ZNF197: variants seen among roughly 807,000 people sequenced by gnomAD.
ZNF197 encodes the protein VHL-associated KRAB-A domain-containing protein.
Under a neutral mutation model 27.4 loss-of-function variants are expected in ZNF197, and 14 were observed. The ratio of observed to expected loss-of-function variants is 0.51; its 90% CI spans 0.34 to 0.80. The LOEUF (loss-of-function observed/expected upper bound fraction) is 0.80. Ranked by LOEUF, ZNF197 falls within the 30% of genes least tolerant of loss-of-function variation. ZNF197 has a pLI of 0.02. For missense variants in ZNF197, 1,090 were observed against 1,222.6 expected (o/e 0.89, Z 1.62); for synonymous variants, 415 against 420.0 (o/e 0.99, Z 0.15).
chr3:44,646,719 T>G lies in ZNF197; in HGVS notation c.*2499T>G. The G allele has an allele frequency of 3.8e-6, 2 of 531,394 alleles. No homozygotes were observed. The highest frequency in any genetic ancestry group is 2.8e-5 in the South Asian group (1 of 35,814). The allele number at this position is 531,394 out of a possible 1,614,324, so 32.9% of individuals were successfully genotyped here. ...TATGAAAATTTCGATATGAAAGGTA[T>G]AAAACATGGATGAGGAGGCTTGTTT... On this transcript the variant is annotated 3_prime_UTR_variant, in exon 6 of 6. Coordinates refer to ENST00000344387, the MANE Select transcript of ZNF197 (RefSeq NM_006991.5).
At position 44,646,305 on chromosome 3, in the gene ZNF197, A is replaced by G; in HGVS notation, c.*2085A>G. Reference sequence around the variant, plus strand: ...AGGTTGTTGAATCATCCCAGCTTATATAATAATTACAAAGGACATATGTAC... The same window carrying G: ...AGGTTGTTGAATCATCCCAGCTTATGTAATAATTACAAAGGACATATGTAC... On this transcript the variant is annotated 3_prime_UTR_variant, in exon 6 of 6. Transcript: ENST00000344387. 1.0e-6 allele frequency: 1 copy of G among 985,456 alleles called. No individual in the cohort carries two copies. Among genetic ancestry groups the G allele is most frequent in the South Asian group, 4.7e-5 (1 of 21,290 alleles). 61.0% of individuals were successfully genotyped at this position (985,456 alleles called of 1,614,324 possible).
At chr3:44,631,950 C>T (rs556611619) in intron 3 of ZNF197, among the ~76,000 whole-genome samples, 155 bp from the exon 4 acceptor site, 20 of 152,276 alleles carry the variant, frequency 1.3e-4, no homozygotes, top group Non-Finnish European at 2.8e-4. Flanking sequence ...AGCCACCCAC[C>T]TCGGCTTCCC....
rs1310608315 is a variant in ZNF197, at chr3:44,643,477, A to G, written c.2347A>G (p.Ile783Val). 6.2e-7 allele frequency: 1 copy of G among 1,614,206 alleles called. No individual in the cohort carries two copies. The highest frequency in any genetic ancestry group is 8.5e-7 in the Non-Finnish European group (1 of 1,180,024). Residue 783 changes from isoleucine to valine, a missense_variant, in exon 6 of 6, where the codon ATC becomes GTC. Coordinates refer to ENST00000344387, the MANE Select transcript of ZNF197 (RefSeq NM_006991.5). Reference protein sequence around the residue: ...SNRNLIEHKRIHSGEKPYECD... With the variant: ...SNRNLIEHKRVHSGEKPYECD... ...CAGAAACCTCATTGAGCATAAGAGAATCCACAGTGGTGAGAAACCCTATGA... is the reference window on the plus strand; with the variant it reads ...CAGAAACCTCATTGAGCATAAGAGAGTCCACAGTGGTGAGAAACCCTATGA...
intron 5 of ZNF197, 66 bp from the exon 6 acceptor site, chr3:44,641,834 T>G: frequency 6.8e-7 from 1 of 1,470,824 alleles, no homozygotes; most frequent in Non-Finnish European, 9.0e-7. Context: ...TTAAAGTCAT[T>G]TGAAGATCCT....
chr3:44,639,533 A>T (rs1187890833), intron 5 of ZNF197, among the ~76,000 whole-genome samples: 37 of 146,650 alleles, frequency 2.5e-4, no homozygotes, highest in African/African-American at 9.1e-4. Context: ...CAGATTTTCC[A>T]TTTTTTTTCT....
rs1254213496 is a variant in ZNF197, at chr3:44,644,388, C to G, written c.*168C>G. Reference sequence around the variant, plus strand: ...GCTTGGTGGCTCATGCCTGTAATCCCAGCACTTTGAGAGGCCGAAGCGAGT... The same window carrying G: ...GCTTGGTGGCTCATGCCTGTAATCCGAGCACTTTGAGAGGCCGAAGCGAGT... On this transcript the variant is annotated 3_prime_UTR_variant, in exon 6 of 6. Coordinates refer to ENST00000344387, the MANE Select transcript of ZNF197 (RefSeq NM_006991.5). The G allele has an allele frequency of 1.5e-6, 2 of 1,373,058 alleles. No homozygotes were observed. Among genetic ancestry groups the G allele is most frequent in the Non-Finnish European group, 1.9e-6 (2 of 1,069,754 alleles). 85.1% of individuals were successfully genotyped at this position (1,373,058 alleles called of 1,614,324 possible). A position where few individuals can be genotyped will look rare whatever the true frequency, so the allele number is the denominator to read the frequency against.
Position 44,643,544 on chromosome 3 carries a change from TC to T in ZNF197, c.2415del (p.Ile806LeufsTer29). 6.2e-7 allele frequency: 1 copy of T among 1,614,194 alleles called. No homozygotes were observed. The highest frequency in any genetic ancestry group is 8.5e-7 in the Non-Finnish European group (1 of 1,180,042). On this transcript the variant is annotated frameshift_variant, in exon 6 of 6. Transcript: ENST00000344387. LOFTEE classifies it low-confidence loss of function (END_TRUNC). ...CGKCFILKKS[L>X]IGHQRIHTRE... Reference sequence around the variant, plus strand: ...AAATGCTTCATTCTGAAGAAAAGCCTCATTGGACATCAGAGAATTCACACGA... The same window carrying T: ...AAATGCTTCATTCTGAAGAAAAGCCTATTGGACATCAGAGAATTCACACGA...
chr3:44,646,778 A>G lies in ZNF197; in HGVS notation c.*2558A>G, dbSNP rs1702982691. 1 of 422,630 alleles carries G rather than the reference A, an allele frequency of 2.4e-6. No individual in the cohort carries two copies. The highest frequency in any genetic ancestry group is 2.0e-5 in the African/African-American group (1 of 49,208). The allele number at this position is 422,630 out of a possible 1,614,324, so 26.2% of individuals were successfully genotyped here. ...TAATACTAGAGAGCCGTTAGGTACTAAGAACCAGAAATAGACTCACATAAA... is the reference window on the plus strand; with the variant it reads ...TAATACTAGAGAGCCGTTAGGTACTGAGAACCAGAAATAGACTCACATAAA... On this transcript the variant is annotated 3_prime_UTR_variant, in exon 6 of 6. Coordinates refer to ENST00000344387, the MANE Select transcript of ZNF197 (RefSeq NM_006991.5).
intron 4 of ZNF197, 39 bp downstream of exon 4, chr3:44,632,235 G>C: frequency 6.2e-7 from 1 of 1,605,214 alleles, no homozygotes; most frequent in East Asian, 2.2e-5. Context: ...TCTGCACAGC[G>C]TAACTGTGGC....
chr3:44,648,316 C>G lies in ZNF197; in HGVS notation c.*4096C>G, dbSNP rs1349125868. 1 of 151,800 alleles carries G rather than the reference C, an allele frequency of 6.6e-6. No individual in the cohort carries two copies. The highest frequency in any genetic ancestry group is 1.5e-5 in the Non-Finnish European group (1 of 67,952). The allele number at this position is 151,800 out of a possible 1,614,324, so 9.4% of individuals were successfully genotyped here. The stretch of plus-strand genomic sequence containing the variant: ...GAAGTGTTCTGATGTTTACAACTTT[C>G]AAAAAAATGATTTTAAATATGTATT... On this transcript the variant is annotated 3_prime_UTR_variant, in exon 6 of 6. Coordinates refer to ENST00000344387, the MANE Select transcript of ZNF197 (RefSeq NM_006991.5).
chr3:44,631,365 C>T (rs1701982819), intron 3 of ZNF197, 144 bp downstream of exon 3: 2 of 1,035,686 alleles, frequency 1.9e-6, no homozygotes, highest in Admixed American at 5.3e-5. Context: ...CTGTTGTTCT[C>T]TCCTTCTTTC....
At chr3:44,628,773 C>T (rs934344823) in intron 1 of ZNF197, among the ~76,000 whole-genome samples, 24 of 152,146 alleles carry the variant, frequency 1.6e-4, no homozygotes, top group African/African-American at 5.6e-4. Context: ...CAGGAGTAGT[C>T]AGGATGCTCA....
Position 44,632,574 on chromosome 3 carries a change from G to T in ZNF197, c.744G>T (p.Glu248Asp). The change falls in exon 5 of 6, where the codon GAG (glutamate) becomes GAT (aspartate). Residue 248 changes from glutamate to aspartate, a missense_variant. By Grantham distance (45) the Glu-to-Asp change is conservative. Coordinates refer to ENST00000344387, the MANE Select transcript of ZNF197 (RefSeq NM_006991.5). ...CCTTGTACTGGGATGTGATGCTGGAGAATTATGGAAATGTGACCTCCCTAG... is the reference window on the plus strand; with the variant it reads ...CCTTGTACTGGGATGTGATGCTGGATAATTATGGAAATGTGACCTCCCTAG... ...QRALYWDVML[E>D]NYGNVTSLEW... 6.3e-7 allele frequency: 1 copy of T among 1,587,206 alleles called. No homozygotes were observed. Among genetic ancestry groups the T allele is most frequent in the Non-Finnish European group, 8.6e-7 (1 of 1,166,146 alleles).
chr3:44,644,284 ATTTC>A lies in ZNF197; in HGVS notation c.*67_*70del. ...AGTAACTGTTGGACAAATGATATAT[ATTTC>A]TTCTAAGGAAAAAGTTTATTATTTA... On this transcript the variant is annotated 3_prime_UTR_variant, in exon 6 of 6. Transcript: ENST00000344387. The A allele has an allele frequency of 6.6e-7, 1 of 1,514,992 alleles. No homozygotes were observed. The allele number at this position is 1,514,992 out of a possible 1,614,324, so 93.8% of individuals were successfully genotyped here.
chr3:44,642,730 G>A lies in ZNF197; in HGVS notation c.1600G>A (p.Gly534Arg). The A allele has an allele frequency of 6.2e-7, 1 of 1,613,796 alleles. No individual in the cohort carries two copies. The highest frequency in any genetic ancestry group is 8.5e-7 in the Non-Finnish European group (1 of 1,180,006). The change falls in exon 6 of 6, where the codon GGG (glycine) becomes AGG (arginine). Residue 534 changes from glycine (G) to arginine (R), a missense_variant. Coordinates refer to ENST00000344387, the MANE Select transcript of ZNF197 (RefSeq NM_006991.5). ...CATTCTGCACCAGAGAATCCACTCT[G>A]GGGAAAAACCCTATAAATGTGATGA... is the stretch of plus-strand genomic sequence containing the variant. Reference protein sequence around the residue: ...SLILHQRIHSGEKPYKCDECG... With the variant: ...SLILHQRIHSREKPYKCDECG...
At chr3:44,641,072 C>T (rs936331682) in intron 5 of ZNF197, among the ~76,000 whole-genome samples, 1 of 152,190 alleles carries the variant, frequency 6.6e-6, no homozygotes, top group African/African-American at 2.4e-5. Context: ...TAATTTCTCT[C>T]ACACTTGGGT....
intron 5 of ZNF197, among the ~76,000 whole-genome samples, chr3:44,632,875 T>C (rs1702090448): frequency 6.6e-6 from 1 of 152,206 alleles, no homozygotes; most frequent in Non-Finnish European, 1.5e-5. Context: ...CTTGTGTGTG[T>C]TCTCACATGT....
Position 44,642,134 on chromosome 3 carries a change from C to T in ZNF197, c.1004C>T (p.Thr335Ile). 1.2e-6 allele frequency: 2 copies of T among 1,614,040 alleles called. No individual in the cohort carries two copies. The highest frequency in any genetic ancestry group is 1.7e-5 in the Admixed American group (1 of 60,014). The change falls in exon 6 of 6, where the codon ACT becomes ATT. Residue 335 changes from threonine to isoleucine, a missense_variant. Transcript: ENST00000344387. ...TGTGAACGAGACAAGAAGAAAAGGA[C>T]TCCACCAGAGAAACAAGGCCAAAAG... ...SLCERDKKKR[T>I]PPEKQGQKWK...
At chr3:44,638,910 C>A (rs1702452050) in intron 5 of ZNF197, among the ~76,000 whole-genome samples, 1 of 152,166 alleles carries the variant, frequency 6.6e-6, no homozygotes, top group Non-Finnish European at 1.5e-5. Context: ...GACAGTGTCT[C>A]ACCATGTTCC....
Sources: gnomAD v4.1 joint callset for allele counts (sites outside exome capture counted in the v4.1 genomes callset) on GRCh38, gnomAD v4.1.1 for gene constraint, MANE v1.5 for transcripts, NCBI Gene and HGNC (gene_info 2026-07-23, HGNC 2026-07-21) for gene names.